The following MTCL3 variants were observed in gnomAD, a reference collection of about 807,000 sequenced individuals.
MTCL3 encodes the protein microtubule cross-linking factor 3.
At chr6:127,508,883 A>G in the MTCL3 span, among the ~76,000 whole-genome samples, 1 of 152,194 alleles carries the variant, frequency 6.6e-6, no homozygotes, top group Non-Finnish European at 1.5e-5. Context: ...AGTGATCCTC[A>G]ATTTAACTGG....
chr6:127,504,004 C>T, the MTCL3 span, among the ~76,000 whole-genome samples: 1 of 152,162 alleles, frequency 6.6e-6, no homozygotes, highest in Non-Finnish European at 1.5e-5. Context: ...ATAACATGGA[C>T]TTGGTCTTAA....
chr6:127,485,094 A>G, the MTCL3 span, among the ~76,000 whole-genome samples: 6 of 152,202 alleles, frequency 3.9e-5, no homozygotes, highest in Non-Finnish European at 5.9e-5. Flanking sequence ...AGTTGGTAAC[A>G]ATAACTTCAG....
At chr6:127,499,250 A>G in the MTCL3 span, among the ~76,000 whole-genome samples, 1 of 152,314 alleles carries the variant, frequency 6.6e-6, no homozygotes, top group South Asian at 2.1e-4. Context: ...CAAGAAGGTC[A>G]TAACGGGAGA....
the MTCL3 span, among the ~76,000 whole-genome samples, chr6:127,487,156 G>T: frequency 6.6e-6 from 1 of 152,152 alleles, no homozygotes; most frequent in Non-Finnish European, 1.5e-5. Flanking sequence ...CAGCTAGCTA[G>T]TGTTAGAACC....
chr6:127,475,914 C>T, the MTCL3 span: 9 of 1,613,190 alleles, frequency 5.6e-6, no homozygotes, highest in African/African-American at 9.3e-5. The surrounding 1 kb of genome is among the most constrained non-coding windows in gnomAD (Gnocchi z 7.3). Context: ...CCGCCTTCAG[C>T]TCCTCCTGCA....
chr6:127,495,090 G>A, the MTCL3 span, among the ~76,000 whole-genome samples: 1 of 114,430 alleles, frequency 8.7e-6, no homozygotes, highest in African/African-American at 3.1e-5. Flanking sequence ...CCAGCTACTA[G>A]GAAGGCGGAG....
chr6:127,517,534 T>C, the MTCL3 span: 8 of 152,224 alleles, frequency 5.3e-5, no homozygotes, highest in African/African-American at 1.9e-4. Context: ...TTTGTAGTCT[T>C]ATGAATCACT....
chr6:127,475,581 C>T, the MTCL3 span: 5 of 1,606,890 alleles, frequency 3.1e-6, no homozygotes, highest in South Asian at 5.5e-5. The surrounding 1 kb of genome is among the most constrained non-coding windows in gnomAD (Gnocchi z 7.3). Flanking sequence ...GGATGTCCTT[C>T]ATCTGCTGCC....
At chr6:127,498,892 T>C in the MTCL3 span, among the ~76,000 whole-genome samples, 4 of 152,148 alleles carry the variant, frequency 2.6e-5, no homozygotes, top group Non-Finnish European at 2.9e-5. Flanking sequence ...CAAAAATAGA[T>C]TAGTGGCTGA....
At chr6:127,515,651 C>A in the MTCL3 span, 3 of 1,474,998 alleles carry the variant, frequency 2.0e-6, no homozygotes, top group Non-Finnish European at 2.7e-6. This position sits in a 1 kb window ranked among gnomAD's most constrained non-coding sequence, Gnocchi z 4.3. Context: ...CTGCCCTCTG[C>A]GCTCTGCTGG....
the MTCL3 span, among the ~76,000 whole-genome samples, chr6:127,474,821 C>T: frequency 2.6e-5 from 4 of 152,154 alleles, 1 homozygote; most frequent in Middle Eastern, 6.3e-3. Flanking sequence ...TCAAGCAATC[C>T]ACCCTCCTCG....
At chr6:127,491,841 A>G in the MTCL3 span, among the ~76,000 whole-genome samples, 1 of 148,294 alleles carries the variant, frequency 6.7e-6, no homozygotes, top group Non-Finnish European at 1.5e-5. Flanking sequence ...ACTATACTCC[A>G]ACCTAGGTGA....
chr6:127,474,308 C>T, the MTCL3 span, among the ~76,000 whole-genome samples: 3 of 152,062 alleles, frequency 2.0e-5, no homozygotes, highest in Non-Finnish European at 2.9e-5. Flanking sequence ...GACAGAGTCT[C>T]ACTCTGTCGC....
At chr6:127,501,759 G>T in the MTCL3 span, among the ~76,000 whole-genome samples, 1 of 152,118 alleles carries the variant, frequency 6.6e-6, no homozygotes, top group Non-Finnish European at 1.5e-5. Flanking sequence ...AAGGCTAAAT[G>T]ACAACTTCAA....
chr6:127,494,816 G>T, the MTCL3 span, among the ~76,000 whole-genome samples: 17,646 of 152,130 alleles, frequency 0.12, 1,409 homozygotes, highest in Admixed American at 0.19. Flanking sequence ...AATATATCAT[G>T]TATTATACTT....
the MTCL3 span, among the ~76,000 whole-genome samples, chr6:127,475,116 A>C: frequency 6.6e-6 from 1 of 152,246 alleles, no homozygotes. This position sits in a 1 kb window ranked among gnomAD's most constrained non-coding sequence, Gnocchi z 7.3. Flanking sequence ...GCCCTGCAGA[A>C]GGACAGTGTG....
At chr6:127,510,589 T>C in the MTCL3 span, among the ~76,000 whole-genome samples, 1 of 152,242 alleles carries the variant, frequency 6.6e-6, no homozygotes. Context: ...ATTTTTCAGG[T>C]ATCCACTTAA....
At chr6:127,488,099 T>C in the MTCL3 span, among the ~76,000 whole-genome samples, 1 of 152,066 alleles carries the variant, frequency 6.6e-6, no homozygotes, top group African/African-American at 2.4e-5. Context: ...TTTGCTCTAG[T>C]GTCACAGGCA....
chr6:127,516,273 A>G, the MTCL3 span: 16 of 1,497,198 alleles, frequency 1.1e-5, no homozygotes, highest in East Asian at 2.4e-5. Flanking sequence ...CAGCTCCCGG[A>G]GCGGCCCCTT....
Sources: gnomAD v4.1 joint callset for allele counts (sites outside exome capture counted in the v4.1 genomes callset) on GRCh38, gnomAD v4.1.1 for gene constraint, Gnocchi (gnomAD v3.1) non-coding constraint, MANE v1.5 for transcripts, NCBI Gene and HGNC (gene_info 2026-07-23, HGNC 2026-07-21) for gene names.